The following HPCAL1 variants were observed in gnomAD, a reference collection of about 807,000 sequenced individuals.
HPCAL1 encodes the protein hippocalcin like 1, also known as hippocalcin-like protein 1.
A neutral mutation model predicts 17.1 loss-of-function variants in HPCAL1; 8 were observed. The observed-to-expected ratio is 0.47, with a 90% CI of 0.27 to 0.84. The LOEUF (loss-of-function observed/expected upper bound fraction) is 0.84, where lower values mean the gene tolerates loss of function less well. Among genes scored for constraint, HPCAL1 ranks in the 40% least tolerant of loss-of-function variants. HPCAL1 has a pLI of 0.13. For missense variants in HPCAL1, 165 were observed against 271.1 expected, an observed-to-expected ratio of 0.61 and a Z score of 2.75; for synonymous variants, 112 against 111.4, an observed-to-expected ratio of 1.01 and a Z score of -0.03.
chr2:10,425,609 A>G (rs1473755160), intron 4 of HPCAL1: 1 of 152,290 alleles, frequency 6.6e-6, no homozygotes, highest in Non-Finnish European at 1.5e-5. Context: ...GGGTGTTCCC[A>G]TTATCCCACC....
At chr2:10,311,024 A>G (rs1662923036) in intron 1 of HPCAL1, among the ~76,000 whole-genome samples, 1 of 152,188 alleles carries the variant, frequency 6.6e-6, no homozygotes, top group African/African-American at 2.4e-5. Flanking sequence ...CATTTTTAAC[A>G]TCATGCAGTT....
At position 10,342,129 on chromosome 2, in the gene HPCAL1, C is replaced by T. The variant is rs1027960594; in HGVS notation, c.-111+38952C>T. Among the ~76,000 whole-genome samples, 3 of 151,890 alleles carry T rather than the reference C, an allele frequency of 2.0e-5. No individual in the cohort carries two copies. The highest frequency in any genetic ancestry group is 4.8e-5 in the African/African-American group (2 of 41,294). On this transcript the variant is annotated intron_variant, in intron 1 of 4. Coordinates refer to ENST00000307845, the MANE Select transcript of HPCAL1 (RefSeq NM_002149.4). This position sits in a 1 kb window ranked among gnomAD's most constrained non-coding sequence, Gnocchi z 4.1. ...AGGCTACAGTGAGCTCTGATTGTGC[C>T]GCTGTGCTCCAGCCTGGTGACAGAG...
chr2:10,309,243 A>C (rs1038717736), intron 1 of HPCAL1, among the ~76,000 whole-genome samples: 6 of 152,124 alleles, frequency 3.9e-5, no homozygotes, highest in Admixed American at 1.3e-4. Context: ...TATGTTGCCC[A>C]GACTGGTCTT....
chr2:10,423,449 ATGT>A (rs1286376481), intron 4 of HPCAL1: 1 of 234,854 alleles, frequency 4.3e-6, no homozygotes, highest in Non-Finnish European at 8.7e-6. Flanking sequence ...AGGATCCCAG[ATGT>A]TGGGGTCCTG....
rs553990820 is a variant in HPCAL1 at position 10,313,176 on chromosome 2, C to A, written c.-111+9999C>A. Among the ~76,000 whole-genome samples, 11 of 152,318 alleles carry A rather than the reference C, an allele frequency of 7.2e-5. No homozygotes were observed. The South Asian group carries it at 2.1e-3, about 29-fold the overall frequency. ...AGATTCTGGGAGAATCTCACGTATT[C>A]TTTCAGGCCCAGGAGTAAGCCAGTG... On this transcript the variant is annotated intron_variant, in intron 1 of 4. Transcript: ENST00000307845.
At chr2:10,406,925 G>A (rs1299868925) in intron 2 of HPCAL1, among the ~76,000 whole-genome samples, 1 of 152,168 alleles carries the variant, frequency 6.6e-6, no homozygotes, top group Non-Finnish European at 1.5e-5. Flanking sequence ...TCTCCCCAGA[G>A]GCTCATGTAT....
intron 1 of HPCAL1, among the ~76,000 whole-genome samples, chr2:10,387,043 C>T (rs957395139): frequency 6.6e-6 from 1 of 152,108 alleles, no homozygotes; most frequent in Non-Finnish European, 1.5e-5. Flanking sequence ...GTGGCTGTGT[C>T]GCCCGGGGCA....
At chr2:10,358,767 G>A (rs554933512) in intron 1 of HPCAL1, among the ~76,000 whole-genome samples, 1 of 152,156 alleles carries the variant, frequency 6.6e-6, no homozygotes, top group African/African-American at 2.4e-5. Context: ...CCCATCTGCT[G>A]GGTGAGCTCA....
Position 10,303,042 on chromosome 2 carries a change from C to G in HPCAL1, c.-246C>G, listed in dbSNP as rs1171607570. 1 of 151,802 alleles carries G rather than the reference C, an allele frequency of 6.6e-6. No individual in the cohort carries two copies. The allele number at this position is 151,802 out of a possible 1,614,324, so 9.4% of individuals were successfully genotyped here. ...GGCCGGCGCAGCAGCTGCGGGCGCA[C>G]GGAGGCCCGCGCTGCTAGTCACTCC... On this transcript the variant is annotated 5_prime_UTR_variant, in exon 1 of 5. Transcript: ENST00000307845.
rs534136413 is a variant in HPCAL1, at chr2:10,392,445, G to A, written c.-110-4390G>A. The stretch of plus-strand genomic sequence containing the variant: ...TTGATTACTAATTCAATCTCTTCAC[G>A]TGTTATAAGTCTTTCAAATTGTCTC... On this transcript the variant is annotated intron_variant, in intron 1 of 4. Coordinates refer to ENST00000307845, the MANE Select transcript of HPCAL1 (RefSeq NM_002149.4). 4.0e-4 allele frequency among the ~76,000 whole-genome samples: 61 copies of A among 152,310 alleles called. 2 individuals are homozygous for A. The Middle Eastern group carries it at 0.014, about 34-fold the overall frequency.
chr2:10,312,189 C>G (rs943978399), intron 1 of HPCAL1, among the ~76,000 whole-genome samples: 31 of 115,368 alleles, frequency 2.7e-4, no homozygotes, highest in Admixed American at 1.1e-3. Context: ...TCACCATCAC[C>G]ATCATCATCA....
At position 10,394,079 on chromosome 2, in the gene HPCAL1, C is replaced by T. The variant is rs561669818; in HGVS notation, c.-110-2756C>T. On this transcript the variant is annotated intron_variant, in intron 1 of 4. Transcript: ENST00000307845. This position sits in a 1 kb window ranked among gnomAD's most constrained non-coding sequence, Gnocchi z 5.0. ...GCAGTGAGCTTTGATTGTGCCACTG[C>T]GCTCCAGCCTGGGTGACAGAGCGAG... 7.2e-5 allele frequency among the ~76,000 whole-genome samples: 11 copies of T among 152,022 alleles called. No homozygotes were observed. The highest frequency in any genetic ancestry group is 3.9e-4 in the Admixed American group (6 of 15,278).
chr2:10,403,023 G>A (rs1012877982), intron 2 of HPCAL1, among the ~76,000 whole-genome samples: 6 of 152,120 alleles, frequency 3.9e-5, no homozygotes, highest in African/African-American at 1.4e-4. Context: ...TCAAAATTTG[G>A]AAATAGTTCC....
intron 2 of HPCAL1, among the ~76,000 whole-genome samples, chr2:10,404,176 G>A (rs1317538314): frequency 6.6e-6 from 1 of 152,104 alleles, no homozygotes; most frequent in Admixed American, 6.5e-5. Context: ...TTGGGCCTGC[G>A]AGTCATTGAC....
In HPCAL1 at chr2:10,367,285, C is replaced by T. The variant is rs1666907980; in HGVS notation, c.-110-29550C>T. Among the ~76,000 whole-genome samples the T allele has an allele frequency of 6.6e-6, 1 of 151,864 alleles. No individual in the cohort carries two copies. Among genetic ancestry groups the T allele is most frequent in the Admixed American group, 6.6e-5 (1 of 15,230 alleles). On this transcript the variant is annotated intron_variant, in intron 1 of 4. Coordinates refer to ENST00000307845, the MANE Select transcript of HPCAL1 (RefSeq NM_002149.4). This position sits in a 1 kb window ranked among gnomAD's most constrained non-coding sequence, Gnocchi z 4.4. ...GTTGTTTTAAGGGGGGATTTTGTTG[C>T]TGTCGTTGTTGTTGTTGTTTTGAGA... is the stretch of plus-strand genomic sequence containing the variant.
At chr2:10,334,754 C>T (rs1311404361) in intron 1 of HPCAL1, among the ~76,000 whole-genome samples, 9 of 147,624 alleles carry the variant, frequency 6.1e-5, no homozygotes, top group Admixed American at 2.0e-4. Context: ...GGCACGATCT[C>T]GGCTCATTGC....
chr2:10,367,137 T>C lies in HPCAL1; in HGVS notation c.-110-29698T>C, dbSNP rs535493345. On this transcript the variant is annotated intron_variant, in intron 1 of 4. Transcript: ENST00000307845. The surrounding 1 kb of genome is among the most constrained non-coding windows in gnomAD (Gnocchi z 4.4). ...GGACCTGGGTGTTCTGTCTGGAGAT[T>C]TCCCATTGCTTTTCCAGTTTATTGT... Among the ~76,000 whole-genome samples the C allele has an allele frequency of 1.3e-5, 2 of 152,096 alleles. No homozygotes were observed. Among genetic ancestry groups the C allele is most frequent in the South Asian group, 4.1e-4 (2 of 4,822 alleles).
At chr2:10,398,991 G>A (rs948321169) in intron 2 of HPCAL1, among the ~76,000 whole-genome samples, 1 of 152,056 alleles carries the variant, frequency 6.6e-6, no homozygotes, top group Non-Finnish European at 1.5e-5. Flanking sequence ...TTACCTGGAT[G>A]TCACCTGCAT....
intron 2 of HPCAL1, among the ~76,000 whole-genome samples, chr2:10,418,859 C>G (rs1238858790): frequency 6.6e-6 from 1 of 152,144 alleles, no homozygotes. Flanking sequence ...ACATCATTTA[C>G]TGCCTAGAGC....
Sources: gnomAD v4.1 joint callset for allele counts (sites outside exome capture counted in the v4.1 genomes callset) on GRCh38, gnomAD v4.1.1 for gene constraint, Gnocchi (gnomAD v3.1) non-coding constraint, MANE v1.5 for transcripts, NCBI Gene and HGNC (gene_info 2026-07-23, HGNC 2026-07-21) for gene names.